CCBE1: variants seen among roughly 807,000 people sequenced by gnomAD.
The protein encoded by CCBE1 is collagen and calcium-binding EGF domain-containing protein 1.
A neutral mutation model predicts 50.0 loss-of-function variants in CCBE1; 37 were observed. That is an observed-to-expected ratio of 0.74 (90% confidence interval 0.57 to 0.97). The LOEUF is 0.97. Ranked by LOEUF, CCBE1 falls within the 50% of genes least tolerant of loss-of-function variation. CCBE1 has a pLI of 0.00. For missense variants in CCBE1, 538 were observed against 523.8 expected (o/e 1.03, Z -0.26); for synonymous variants, 234 against 203.7 (o/e 1.15, Z -1.27).
intron 2 of CCBE1, among the ~76,000 whole-genome samples, chr18:59,679,555 A>G (rs1308743485): frequency 1.3e-5 from 2 of 152,252 alleles, no homozygotes; most frequent in Non-Finnish European, 2.9e-5. Context: ...ATGACTCTCC[A>G]TTGGCATATC....
intron 2 of CCBE1, among the ~76,000 whole-genome samples, chr18:59,506,289 G>C (rs1568176459): frequency 1.3e-5 from 2 of 152,316 alleles, no homozygotes; most frequent in East Asian, 3.9e-4. Flanking sequence ...ACAGAGGCAT[G>C]GACCAGTTTC....
chr18:59,610,493 A>G (rs1207440151), intron 2 of CCBE1, among the ~76,000 whole-genome samples: 1 of 151,986 alleles, frequency 6.6e-6, no homozygotes, highest in African/African-American at 2.4e-5. Flanking sequence ...GCCAGAGAAA[A>G]TCTTATCCTC....
At chr18:59,500,159 T>C (rs1466049857) in intron 2 of CCBE1, among the ~76,000 whole-genome samples, 1 of 152,176 alleles carries the variant, frequency 6.6e-6, no homozygotes, top group Admixed American at 6.5e-5. Flanking sequence ...ATCCCACTGG[T>C]GCTGGCCAGA....
chr18:59,562,742 A>G (rs2052759673), intron 2 of CCBE1, among the ~76,000 whole-genome samples: 1 of 152,184 alleles, frequency 6.6e-6, no homozygotes, highest in Non-Finnish European at 1.5e-5. Flanking sequence ...ATCTGGGGTC[A>G]CTGAAAATTC....
intron 1 of CCBE1, 36 bp downstream of exon 1, chr18:59,697,176 A>G (rs2054820003): frequency 1.9e-6 from 3 of 1,547,190 alleles, no homozygotes; most frequent in South Asian, 2.4e-5. Context: ...CGCATCAAGC[A>G]GGAGCTCGCC....
intron 2 of CCBE1, among the ~76,000 whole-genome samples, chr18:59,548,838 T>A (rs1307003127): frequency 6.6e-6 from 1 of 152,118 alleles, no homozygotes; most frequent in African/African-American, 2.4e-5. Context: ...TATGCAATTG[T>A]AACACAATGG....
chr18:59,667,746 C>T (rs1293129270), intron 2 of CCBE1, among the ~76,000 whole-genome samples: 1 of 152,130 alleles, frequency 6.6e-6, no homozygotes, highest in East Asian at 1.9e-4. Context: ...AGTCAGCCTA[C>T]AGAACTCAGG....
intron 2 of CCBE1, among the ~76,000 whole-genome samples, chr18:59,679,166 C>T (rs2054551209): frequency 1.3e-5 from 2 of 152,152 alleles, no homozygotes; most frequent in South Asian, 4.1e-4. Context: ...TGCTCTACCA[C>T]AAACAGCGTC....
At chr18:59,497,500 G>A (rs1433958495) in intron 2 of CCBE1, among the ~76,000 whole-genome samples, 2 of 152,208 alleles carry the variant, frequency 1.3e-5, no homozygotes, top group East Asian at 3.8e-4. Flanking sequence ...GGCCTGGTTT[G>A]AGGCATCTTT....
intron 5 of CCBE1, among the ~76,000 whole-genome samples, chr18:59,464,510 G>T (rs530684384): frequency 6.6e-6 from 1 of 152,188 alleles, no homozygotes; most frequent in Non-Finnish European, 1.5e-5. Context: ...CGACAAGCCC[G>T]TTTCCTCTGC....
At chr18:59,501,972 T>A (rs965190380) in intron 2 of CCBE1, among the ~76,000 whole-genome samples, 4 of 152,176 alleles carry the variant, frequency 2.6e-5, no homozygotes, top group Admixed American at 6.5e-5. Flanking sequence ...CTAATTTTTG[T>A]ATTTTTAGCA....
chr18:59,431,384 CTTG>C lies in CCBE1; in HGVS notation c.*4521_*4523del, dbSNP rs1909941763. ...AATAACTTTAGATGGCTCTATTCTA[CTTG>C]TTGTTTGGCCTGGATTCCTCCAATA... is the stretch of plus-strand genomic sequence containing the variant. On this transcript the variant is annotated 3_prime_UTR_variant, in exon 11 of 11. Transcript: ENST00000439986. The C allele has an allele frequency of 2.0e-5, 3 of 152,204 alleles. No homozygotes were observed. Among genetic ancestry groups the C allele is most frequent in the Admixed American group, 2.0e-4 (3 of 15,288 alleles). The allele number at this position is 152,204 out of a possible 1,614,324, so 9.4% of individuals were successfully genotyped here.
intron 2 of CCBE1, among the ~76,000 whole-genome samples, chr18:59,679,342 G>T (rs2054554297): frequency 1.3e-5 from 2 of 151,610 alleles, no homozygotes; most frequent in South Asian, 4.2e-4. Flanking sequence ...TTTATCCAAG[G>T]AAAAAAAATG....
chr18:59,509,941 T>C (rs1483451965), intron 2 of CCBE1, among the ~76,000 whole-genome samples: 1 of 152,162 alleles, frequency 6.6e-6, no homozygotes, highest in Non-Finnish European at 1.5e-5. Flanking sequence ...GGAGTGGCTG[T>C]GCACATTTTG....
At chr18:59,460,362 G>T (rs1191438059) in intron 5 of CCBE1, among the ~76,000 whole-genome samples, 2 of 152,226 alleles carry the variant, frequency 1.3e-5, no homozygotes, top group African/African-American at 2.4e-5. Flanking sequence ...AGGAAGAGAT[G>T]ATTTCAGATC....
At chr18:59,681,048 A>AG (rs1452722998) in intron 2 of CCBE1, among the ~76,000 whole-genome samples, 4 of 149,880 alleles carry the variant, frequency 2.7e-5, no homozygotes, top group East Asian at 2.0e-4. Flanking sequence ...AATTTGGCTG[A>AG]GAAAAAAAAA....
chr18:59,515,791 A>T (rs1179810666), intron 2 of CCBE1, among the ~76,000 whole-genome samples: 1 of 152,088 alleles, frequency 6.6e-6, no homozygotes, highest in Non-Finnish European at 1.5e-5. Context: ...GCCACTTTCC[A>T]GCTATGACTT....
At position 59,499,738 on chromosome 18, in the gene CCBE1, G is replaced by A. The variant is rs78559518; in HGVS notation, c.213-19500C>T. Among the ~76,000 whole-genome samples the A allele has an allele frequency of 6.0e-3, 921 of 152,266 alleles. 2 individuals carry two copies. Among genetic ancestry groups the A allele is most frequent in the Middle Eastern group, 0.02 (6 of 294 alleles). On this transcript the variant is annotated intron_variant, in intron 2 of 10. Transcript: ENST00000439986. ...GGTGCGGACACAGCCAAACCATATCGCTAGGTAAGCACTGTCTTCTCTAGG... is the reference window on the plus strand; with the variant it reads ...GGTGCGGACACAGCCAAACCATATCACTAGGTAAGCACTGTCTTCTCTAGG...
chr18:59,661,874 G>A (rs1408476833), intron 2 of CCBE1, among the ~76,000 whole-genome samples: 3 of 151,492 alleles, frequency 2.0e-5, no homozygotes, highest in African/African-American at 4.8e-5. Flanking sequence ...GGCTGAGGCA[G>A]GAGAGTCGCT....
Sources: gnomAD v4.1 joint callset for allele counts (sites outside exome capture counted in the v4.1 genomes callset) on GRCh38, gnomAD v4.1.1 for gene constraint, MANE v1.5 for transcripts, NCBI Gene and HGNC (gene_info 2026-07-23, HGNC 2026-07-21) for gene names.